The following PHF21A variants were observed in gnomAD, a reference collection of about 807,000 sequenced individuals.
The protein encoded by PHF21A is BHC80a.
A neutral mutation model predicts 82.5 loss-of-function variants in PHF21A; 11 were observed. That is an observed-to-expected ratio of 0.13 (90% CI 0.08 to 0.22). The LOEUF is 0.22. Ranked by LOEUF, PHF21A falls within the 10% of genes least tolerant of loss-of-function variation. The pLI, the probability that PHF21A is intolerant of heterozygous loss-of-function variation, is 1.00. For synonymous variants in PHF21A, 297 were observed against 302.8 expected (o/e 0.98, Z 0.20); for missense variants, 579 against 837.8 (o/e 0.69, Z 3.81).
At chr11:45,969,323 C>T (rs1040229185) in intron 9 of PHF21A, among the ~76,000 whole-genome samples, 2 of 152,206 alleles carry the variant, frequency 1.3e-5, no homozygotes, top group Non-Finnish European at 2.9e-5. Flanking sequence ...GGGAGAAAGT[C>T]CTCTGTACAG....
At chr11:46,075,566 T>C (rs904874331) in intron 6 of PHF21A, among the ~76,000 whole-genome samples, 1 of 152,174 alleles carries the variant, frequency 6.6e-6, no homozygotes, top group African/African-American at 2.4e-5. Flanking sequence ...TTCTTACAAA[T>C]TGTTCTCCAC....
chr11:46,019,034 A>C (rs749991850), intron 6 of PHF21A, among the ~76,000 whole-genome samples: 3 of 152,228 alleles, frequency 2.0e-5, no homozygotes, highest in Non-Finnish European at 4.4e-5. Context: ...GGCAAGAAAA[A>C]GAAAGGGGGA....
chr11:46,119,975 C>A (rs1234045011), intron 1 of PHF21A: 1 of 146,704 alleles, frequency 6.8e-6, no homozygotes, highest in Non-Finnish European at 1.5e-5. Flanking sequence ...GGGGGCGCCC[C>A]GCGGCCGCCG....
At chr11:45,974,369 T>C (rs1019410988) in intron 7 of PHF21A, among the ~76,000 whole-genome samples, 2 of 151,988 alleles carry the variant, frequency 1.3e-5, no homozygotes, top group African/African-American at 4.8e-5. Flanking sequence ...GTCTGAACTG[T>C]TCTGGAAGGA....
At chr11:45,996,227 A>T (rs2094903548) in intron 6 of PHF21A, among the ~76,000 whole-genome samples, 1 of 152,130 alleles carries the variant, frequency 6.6e-6, no homozygotes, top group Non-Finnish European at 1.5e-5. Context: ...ATGCCTAGCC[A>T]TTATTGTTTT....
At chr11:45,963,293 ACCTGTAATCTCAG>A (rs897450527) in intron 10 of PHF21A, among the ~76,000 whole-genome samples, 24 of 151,180 alleles carry the variant, frequency 1.6e-4, no homozygotes, top group South Asian at 8.4e-4. Context: ...GATGGCGGGC[ACCTGTAATCTCAG>A]CTACTTGGGA....
At chr11:46,014,484 T>C (rs1208419430) in intron 6 of PHF21A, among the ~76,000 whole-genome samples, 1 of 152,228 alleles carries the variant, frequency 6.6e-6, no homozygotes, top group Non-Finnish European at 1.5e-5. Context: ...CAAGTGCAAG[T>C]GTACTTTTTG....
At chr11:45,980,491 T>C (rs1443934820) in intron 6 of PHF21A, among the ~76,000 whole-genome samples, 5 of 152,196 alleles carry the variant, frequency 3.3e-5, no homozygotes, top group African/African-American at 4.8e-5. Context: ...GATTGGCACA[T>C]TGTTGATCAT....
chr11:46,096,667 A>G (rs1173630928), intron 1 of PHF21A, among the ~76,000 whole-genome samples: 2 of 151,812 alleles, frequency 1.3e-5, no homozygotes, highest in Non-Finnish European at 2.9e-5. Flanking sequence ...TGCCTCCAAC[A>G]CCTTAAAATG....
At chr11:46,002,461 T>C (rs2095163261) in intron 6 of PHF21A, among the ~76,000 whole-genome samples, 1 of 152,170 alleles carries the variant, frequency 6.6e-6, no homozygotes, top group African/African-American at 2.4e-5. Context: ...CATTTATAAA[T>C]GATGATTTAT....
In PHF21A at chr11:46,092,759, CT is replaced by C. The variant is rs10681499; in HGVS notation, c.-236-537del. On this transcript the variant is annotated intron_variant, in intron 1 of 18. Coordinates refer to ENST00000676320, the MANE Select transcript of PHF21A (RefSeq NM_001352027.3). Reference sequence around the variant, plus strand: ...TTTCACATTCTTAGATGTGTCTCACCTTTTTTTTTTTTTTTTGAAACAATGT... The same window carrying C: ...TTTCACATTCTTAGATGTGTCTCACCTTTTTTTTTTTTTTTGAAACAATGT... 1.7e-3 allele frequency among the ~76,000 whole-genome samples: 237 copies of C among 135,620 alleles called. 1 individual carries two copies. Among genetic ancestry groups the C allele is most frequent in the African/African-American group, 5.7e-3 (208 of 36,606 alleles). The allele number at this position is 135,620 out of a possible 152,430, so 89.0% of individuals were successfully genotyped here.
intron 6 of PHF21A, among the ~76,000 whole-genome samples, chr11:46,066,269 T>G (rs1356122236): frequency 6.6e-6 from 1 of 152,228 alleles, no homozygotes; most frequent in African/African-American, 2.4e-5. Flanking sequence ...TGATTACTGA[T>G]ATAGGTATTA....
At chr11:45,988,553 T>C (rs1252988464) in intron 6 of PHF21A, among the ~76,000 whole-genome samples, 3 of 152,196 alleles carry the variant, frequency 2.0e-5, no homozygotes, top group Non-Finnish European at 4.4e-5. Context: ...ATTTAAAAAA[T>C]CATCTACAGT....
intron 13 of PHF21A, 25 bp from the exon 14 acceptor site, chr11:45,948,971 T>C: frequency 6.3e-7 from 1 of 1,599,928 alleles, no homozygotes. Context: ...GGAGGAAAGG[T>C]GACTGTTGAG....
chr11:45,998,530 T>A (rs75340687), intron 6 of PHF21A, among the ~76,000 whole-genome samples: 7 of 151,918 alleles, frequency 4.6e-5, no homozygotes, highest in Non-Finnish European at 8.8e-5. Flanking sequence ...TTTTTTTTTT[T>A]AAACAGAGTT....
rs376685241 is a variant in PHF21A at position 45,932,578 on chromosome 11, C to A, written c.*1390G>T. 3 of 152,566 alleles carry A rather than the reference C, an allele frequency of 2.0e-5. No homozygotes were observed. Among genetic ancestry groups the A allele is most frequent in the African/African-American group, 2.4e-5 (1 of 41,444 alleles). The allele number at this position is 152,566 out of a possible 1,614,324, so 9.5% of individuals were successfully genotyped here. A position where few individuals can be genotyped will look rare whatever the true frequency, so the allele number is the denominator to read the frequency against. On this transcript the variant is annotated 3_prime_UTR_variant, in exon 19 of 19. Transcript: ENST00000676320. The surrounding 1 kb of genome is among the most constrained non-coding windows in gnomAD (Gnocchi z 4.3). ...CACGGCATTTTCTCCAGTTCTGACA[C>A]CTTTTTAATAGAAATCACTGTTTTT... is the stretch of plus-strand genomic sequence containing the variant.
intron 6 of PHF21A, among the ~76,000 whole-genome samples, chr11:46,004,861 A>G (rs1220035980): frequency 1.3e-5 from 2 of 152,166 alleles, no homozygotes; most frequent in Admixed American, 1.3e-4. Context: ...ACATACTTAC[A>G]TGTGTTCGAA....
chr11:46,041,091 A>G (rs879873909), intron 6 of PHF21A, among the ~76,000 whole-genome samples: 4 of 152,134 alleles, frequency 2.6e-5, no homozygotes, highest in Non-Finnish European at 4.4e-5. Flanking sequence ...CACTAGATGC[A>G]TGGACTTCTT....
intron 17 of PHF21A, 126 bp from the exon 18 acceptor site, chr11:45,935,865 A>G: frequency 1.6e-6 from 1 of 618,410 alleles, no homozygotes; most frequent in East Asian, 2.7e-5. Flanking sequence ...CCTACAACCC[A>G]GTGCAGAGAA....
Sources: allele counts gnomAD v4.1 joint callset (sites outside exome capture counted in the v4.1 genomes callset), GRCh38; gene constraint gnomAD v4.1.1; non-coding constraint Gnocchi (gnomAD v3.1); transcripts MANE v1.5; gene names NCBI Gene and HGNC (gene_info 2026-07-23, HGNC 2026-07-21).